ZNF503: variants seen among roughly 807,000 people sequenced by gnomAD.
ZNF503 encodes zinc finger protein 503.
A neutral mutation model predicts 34.4 loss-of-function variants in ZNF503; 15 were observed. That is an observed-to-expected ratio of 0.44 (90% CI 0.29 to 0.67). The LOEUF is 0.67. Among genes scored for constraint, ZNF503 ranks in the 30% least tolerant of loss-of-function variants. The probability of loss-of-function intolerance (pLI) is 0.13; values close to 1 mark genes in which losing one functional copy is unlikely to be tolerated. For missense variants in ZNF503, 1,007 were observed against 926.8 expected (o/e 1.09, Z -1.12); for synonymous variants, 580 against 456.8 (o/e 1.27, Z -3.44).
the ZNF503 span, among the ~76,000 whole-genome samples, chr10:75,380,961 G>T: frequency 3.3e-5 from 5 of 152,164 alleles, no homozygotes; most frequent in African/African-American, 1.2e-4. Context: ...GAATTATTCA[G>T]TGCAGCTGAA....
the ZNF503 span, among the ~76,000 whole-genome samples, chr10:75,359,573 G>C: frequency 6.6e-6 from 1 of 152,174 alleles, no homozygotes; most frequent in East Asian, 1.9e-4. Context: ...CCTCCTACAA[G>C]AGCAACCAGA....
chr10:75,385,574 G>C, the ZNF503 span, among the ~76,000 whole-genome samples: 3 of 152,178 alleles, frequency 2.0e-5, no homozygotes, highest in East Asian at 3.9e-4. Flanking sequence ...CACATGGCCT[G>C]TCCTGTGGCT....
At chr10:75,284,244 T>C in the ZNF503 span, among the ~76,000 whole-genome samples, 34 of 152,220 alleles carry the variant, frequency 2.2e-4, no homozygotes, top group African/African-American at 7.5e-4. Context: ...ATCTCTGACA[T>C]ACCTTCTGCA....
At chr10:75,382,667 CATTCTGCTGG>C in the ZNF503 span, 6 of 352,460 alleles carry the variant, frequency 1.7e-5, no homozygotes, top group East Asian at 5.6e-4. Flanking sequence ...CTGAGTCCCC[CATTCTGCTGG>C]ATCAAAAGTG....
At chr10:75,330,034 A>C in the ZNF503 span, among the ~76,000 whole-genome samples, 3,847 of 152,194 alleles carry the variant, frequency 0.025, 152 homozygotes, top group African/African-American at 0.087. Flanking sequence ...TTCCTTCTAT[A>C]CCTAACTTAT....
the ZNF503 span, among the ~76,000 whole-genome samples, chr10:75,372,581 A>C: frequency 6.6e-6 from 1 of 152,200 alleles, no homozygotes; most frequent in Non-Finnish European, 1.5e-5. Flanking sequence ...GTGGCTGGGA[A>C]ATCTACTCAA....
At chr10:75,312,419 A>G in the ZNF503 span, among the ~76,000 whole-genome samples, 1 of 152,226 alleles carries the variant, frequency 6.6e-6, no homozygotes, top group African/African-American at 2.4e-5. Flanking sequence ...AGATTACCCA[A>G]TCTGAACAAC....
chr10:75,401,073 G>A (rs777638714), intron 1 of ZNF503, 32 bp downstream of exon 1: 21 of 1,613,262 alleles, frequency 1.3e-5, no homozygotes, highest in South Asian at 4.4e-5. Context: ...CAGGGTAGTG[G>A]TCCCAGTGCG....
the ZNF503 span, among the ~76,000 whole-genome samples, chr10:75,386,165 C>G: frequency 1.3e-5 from 2 of 152,330 alleles, no homozygotes; most frequent in East Asian, 3.9e-4. Flanking sequence ...GGTGTAGCCA[C>G]GTGACTATGA....
the ZNF503 span, chr10:75,358,507 CAG>C: frequency 2.0e-5 from 3 of 152,106 alleles, no homozygotes; most frequent in Non-Finnish European, 2.9e-5. Context: ...TTCTTTTCTC[CAG>C]TACTTTAATC....
the ZNF503 span, among the ~76,000 whole-genome samples, chr10:75,335,760 G>A: frequency 6.6e-6 from 1 of 152,242 alleles, no homozygotes; most frequent in South Asian, 2.1e-4. Flanking sequence ...TTCCATGGTG[G>A]TGTGGGTGGG....
chr10:75,399,163 G>A lies in ZNF503; in HGVS notation c.1527C>T (p.Asn509=), dbSNP rs35764982. The change falls in exon 2 of 2, where the codon AAC becomes AAT. Residue 509 remains asparagine (N), a synonymous_variant. Coordinates refer to ENST00000372524, the MANE Select transcript of ZNF503 (RefSeq NM_032772.6). ...AGTTGCAGATGTGGGGGAGTGGGTC[G>A]TTAGGGAGCATAAAGCCGTAGGGGT... The part of the protein sequence containing the change: ...PLYPYGFMLP[N]DPLPHICNWV... 3 of 1,612,684 alleles carry A rather than the reference G, an allele frequency of 1.9e-6. No individual in the cohort carries two copies. Among genetic ancestry groups the A allele is most frequent in the East Asian group, 4.5e-5 (2 of 44,852 alleles).
chr10:75,295,140 G>A, the ZNF503 span, among the ~76,000 whole-genome samples: 1 of 151,844 alleles, frequency 6.6e-6, no homozygotes, highest in Non-Finnish European at 1.5e-5. The surrounding 1 kb of genome is among the most constrained non-coding windows in gnomAD (Gnocchi z 4.0). Flanking sequence ...CGGGCTCCGG[G>A]CCCTTCCTGT....
chr10:75,316,358 T>C, the ZNF503 span, among the ~76,000 whole-genome samples: 2 of 151,938 alleles, frequency 1.3e-5, no homozygotes, highest in African/African-American at 4.8e-5. Context: ...TCCTTTTTTT[T>C]TTTTTCTTTT....
the ZNF503 span, among the ~76,000 whole-genome samples, chr10:75,349,555 CAG>C: frequency 2.2e-4 from 33 of 152,330 alleles, no homozygotes; most frequent in African/African-American, 7.9e-4. Flanking sequence ...GATGAGGTAA[CAG>C]AGGCAGGGAG....
the ZNF503 span, among the ~76,000 whole-genome samples, chr10:75,345,004 A>G: frequency 6.6e-6 from 1 of 152,244 alleles, no homozygotes; most frequent in Non-Finnish European, 1.5e-5. Context: ...CTGGTGTGAC[A>G]TTGATATATC....
chr10:75,335,385 ACT>A, the ZNF503 span, among the ~76,000 whole-genome samples: 1 of 152,208 alleles, frequency 6.6e-6, no homozygotes, highest in Non-Finnish European at 1.5e-5. Flanking sequence ...TAAAGTCCAA[ACT>A]CTACATCTGC....
the ZNF503 span, among the ~76,000 whole-genome samples, chr10:75,367,220 C>G: frequency 2.0e-5 from 3 of 152,116 alleles, no homozygotes; most frequent in Non-Finnish European, 2.9e-5. Flanking sequence ...TCTCTACCCC[C>G]CACCCAGAAA....
chr10:75,292,843 T>C, the ZNF503 span, among the ~76,000 whole-genome samples: 12 of 152,340 alleles, frequency 7.9e-5, no homozygotes, highest in African/African-American at 2.6e-4. Flanking sequence ...TGTCTGCTTC[T>C]TTTTGCCTAC....
Sources: allele counts gnomAD v4.1 joint callset (sites outside exome capture counted in the v4.1 genomes callset), GRCh38; gene constraint gnomAD v4.1.1; non-coding constraint Gnocchi (gnomAD v3.1); transcripts MANE v1.5; gene names NCBI Gene and HGNC (gene_info 2026-07-23, HGNC 2026-07-21).